Variants in KANK1 observed in about 807,000 individuals in gnomAD.
KANK1 encodes the protein KN motif and ankyrin repeat domain-containing protein 1.
Under a neutral mutation model 106.2 loss-of-function variants are expected in KANK1, and 109 were observed. The ratio of observed to expected loss-of-function variants is 1.03; its 90% confidence interval spans 0.88 to 1.20. The LOEUF (loss-of-function observed/expected upper bound fraction) is 1.20, where lower values mean the gene tolerates loss of function less well. Ranked by LOEUF, KANK1 falls within the 50% of genes most tolerant of loss-of-function variation. KANK1 has a pLI of 0.00. For synonymous variants in KANK1, 873 were observed against 652.2 expected (o/e 1.34, Z -5.16); for missense variants, 2,399 against 1,710.7 (o/e 1.40, Z -7.10).
At position 711,845 on chromosome 9, in the gene KANK1, G is replaced by A. The variant is rs1270161736; in HGVS notation, c.1079G>A (p.Ser360Asn). The part of the protein sequence containing the change: ...EEEEMETVEQ[S>N]TQRIKEFRQL... ...GAAGAAATGGAGACCGTAGAACAGA[G>A]CACGCAGAGGATAAAGGAGTTCCGG... Residue 360 changes from serine to asparagine, a missense_variant, in exon 3 of 12, where the codon AGC becomes AAC. By Grantham distance (46) the Ser-to-Asn change is conservative. Transcript: ENST00000382297. The A allele has an allele frequency of 1.9e-6, 3 of 1,614,170 alleles. No homozygotes were observed. The highest frequency in any genetic ancestry group is 1.6e-4 in the Middle Eastern group (1 of 6,062).
At chr9:738,683 A>C (rs973566128) in intron 8 of KANK1, among the ~76,000 whole-genome samples, 179 bp downstream of exon 8, 7 of 152,200 alleles carry the variant, frequency 4.6e-5, no homozygotes, top group African/African-American at 1.4e-4. Context: ...TGAAGTTTAA[A>C]CAAAACTGGG....
chr9:732,005 C>A (rs1472543867), intron 5 of KANK1: 1 of 175,212 alleles, frequency 5.7e-6, no homozygotes, highest in Admixed American at 5.6e-5. Context: ...TAATCTATTC[C>A]CCTTGATACT....
intron 1 of KANK1, among the ~76,000 whole-genome samples, chr9:627,743 A>T (rs1301311367): frequency 6.6e-6 from 1 of 152,186 alleles, no homozygotes; most frequent in Non-Finnish European, 1.5e-5. Context: ...GTGCTTGTTT[A>T]ATTAAGCACA....
Position 514,168 on chromosome 9 carries a change from C to A in KANK1, c.-84+9414C>A, listed in dbSNP as rs1208531910. Among the ~76,000 whole-genome samples, 5 of 83,506 alleles carry A rather than the reference C, an allele frequency of 6.0e-5. No homozygotes were observed. In the East Asian group the frequency reaches 1.8e-3, roughly 31 times the overall value. The allele number at this position is 83,506 out of a possible 152,430, so 54.8% of individuals were successfully genotyped here. ...CCTTCCTCTCTCCCTCCCTTCCTCTCTCCCTCCCTTCCTCTCTCCCTCCCT... is the reference window on the plus strand; with the variant it reads ...CCTTCCTCTCTCCCTCCCTTCCTCTATCCCTCCCTTCCTCTCTCCCTCCCT... On this transcript the variant is annotated intron_variant, in intron 1 of 11. Coordinates refer to ENST00000382297, the MANE Select transcript of KANK1 (RefSeq NM_015158.5).
intron 2 of KANK1, among the ~76,000 whole-genome samples, chr9:680,264 C>A (rs1342531670): frequency 6.6e-6 from 1 of 152,066 alleles, no homozygotes; most frequent in African/African-American, 2.4e-5. Flanking sequence ...TGGGAAAGGG[C>A]AAACCATGCC....
chr9:602,469 A>G lies in KANK1; in HGVS notation c.-83-74421A>G, dbSNP rs545091849. Among the ~76,000 whole-genome samples, 140 of 151,808 alleles carry G rather than the reference A, an allele frequency of 9.2e-4. 1 individual carries two copies. Among genetic ancestry groups the G allele is most frequent in the Non-Finnish European group, 9.3e-4 (63 of 68,000 alleles). On this transcript the variant is annotated intron_variant, in intron 1 of 11. Coordinates refer to ENST00000382297, the MANE Select transcript of KANK1 (RefSeq NM_015158.5). ...GAGATGTGGTTTCACCATGTTGGCCAGGATGGTCTCAATCTCTTGACCTCA... is the reference window on the plus strand; with the variant it reads ...GAGATGTGGTTTCACCATGTTGGCCGGGATGGTCTCAATCTCTTGACCTCA...
chr9:668,040 T>C (rs1845058512), intron 1 of KANK1, among the ~76,000 whole-genome samples: 1 of 152,142 alleles, frequency 6.6e-6, no homozygotes, highest in African/African-American at 2.4e-5. Flanking sequence ...CCAAAATTCC[T>C]CTTGTTATTG....
At chr9:519,732 C>T (rs72705669) in intron 1 of KANK1, among the ~76,000 whole-genome samples, 1,621 of 151,850 alleles carry the variant, frequency 0.011, 90 homozygotes, top group African/African-American at 0.037. Flanking sequence ...AGATTAATTA[C>T]ATGCCTTTGG....
chr9:523,292 C>T (rs2059632253), intron 1 of KANK1, among the ~76,000 whole-genome samples: 1 of 151,638 alleles, frequency 6.6e-6, no homozygotes, highest in African/African-American at 2.4e-5. Flanking sequence ...TAATCATCTT[C>T]ACTCCCCTAT....
chr9:591,538 C>T (rs1824878467), intron 1 of KANK1, among the ~76,000 whole-genome samples: 1 of 151,836 alleles, frequency 6.6e-6, no homozygotes, highest in Non-Finnish European at 1.5e-5. Flanking sequence ...CCACTGGTCT[C>T]TTCTCAGTCC....
intron 3 of KANK1, among the ~76,000 whole-genome samples, chr9:726,707 C>G (rs1053898707): frequency 1.1e-3 from 160 of 152,252 alleles, no homozygotes; most frequent in African/African-American, 3.7e-3. Context: ...TGCCTATAAT[C>G]CCAACGCTTT....
chr9:482,527 C>T (rs767649134), intron 3 of KANK1, among the ~76,000 whole-genome samples: 1 of 152,176 alleles, frequency 6.6e-6, no homozygotes, highest in Non-Finnish European at 1.5e-5. Context: ...GATGGGTAAA[C>T]TGAGGCTCAG....
At chr9:590,226 C>T (rs1215123797) in intron 1 of KANK1, among the ~76,000 whole-genome samples, 3 of 151,912 alleles carry the variant, frequency 2.0e-5, no homozygotes, top group Admixed American at 6.6e-5. Flanking sequence ...TAGTGAAGAC[C>T]GAGTAGCAAT....
At chr9:738,559 C>G in intron 8 of KANK1, 55 bp downstream of exon 8, 1 of 1,405,928 alleles carries the variant, frequency 7.1e-7, no homozygotes, top group Non-Finnish European at 1.0e-6. Context: ...GGTTGTGACT[C>G]ATCTCAGAGA....
intron 1 of KANK1, among the ~76,000 whole-genome samples, chr9:581,707 C>A (rs998148398): frequency 6.6e-6 from 1 of 152,246 alleles, no homozygotes; most frequent in Non-Finnish European, 1.5e-5. Flanking sequence ...CCCATATCAC[C>A]CTCCCAGAGT....
exon 1 of KANK1, chr9:470,337 C>G (rs999155491): frequency 6.6e-6 from 1 of 152,378 alleles, no homozygotes; most frequent in African/African-American, 2.4e-5. Context: ...CTCCAGCCTG[C>G]TCAGCAGCGA....
intron 1 of KANK1, among the ~76,000 whole-genome samples, chr9:601,740 C>G (rs1827798852): frequency 6.6e-6 from 1 of 151,776 alleles, no homozygotes; most frequent in African/African-American, 2.4e-5. Flanking sequence ...ACTCTGATGT[C>G]CTTTTGACAT....
chr9:553,498 A>G (rs1050900267), intron 1 of KANK1, among the ~76,000 whole-genome samples: 2 of 152,160 alleles, frequency 1.3e-5, no homozygotes, highest in African/African-American at 2.4e-5. Context: ...TCAGCTTCAT[A>G]TCTTCTCAGG....
intron 1 of KANK1, among the ~76,000 whole-genome samples, chr9:565,549 A>G (rs1226117749): frequency 1.3e-5 from 2 of 152,176 alleles, no homozygotes; most frequent in Non-Finnish European, 2.9e-5. Flanking sequence ...AGGTTTTTCA[A>G]GGATAGTTCG....
Sources: gnomAD v4.1 joint callset for allele counts (sites outside exome capture counted in the v4.1 genomes callset) on GRCh38, gnomAD v4.1.1 for gene constraint, MANE v1.5 for transcripts, NCBI Gene and HGNC (gene_info 2026-07-23, HGNC 2026-07-21) for gene names.